The following PREX2 variants were observed in gnomAD, a reference collection of about 807,000 sequenced individuals.
PREX2 encodes phosphatidylinositol 3,4,5-trisphosphate-dependent Rac exchanger 2 protein.
A neutral mutation model predicts 203.2 loss-of-function variants in PREX2; 107 were observed. That is an observed-to-expected ratio of 0.53 (90% CI 0.45 to 0.62). The LOEUF is 0.62. Among genes scored for constraint, PREX2 ranks in the 20% least tolerant of loss-of-function variants. The pLI is 0.00. For missense variants in PREX2, 1,777 were observed against 1,955.9 expected, an observed-to-expected ratio of 0.91 and a Z score of 1.72; for synonymous variants, 672 against 663.6, an observed-to-expected ratio of 1.01 and a Z score of -0.19.
At chr8:68,036,479 A>T (rs1276285524) in intron 6 of PREX2, among the ~76,000 whole-genome samples, 2 of 152,176 alleles carry the variant, frequency 1.3e-5, no homozygotes, top group Non-Finnish European at 2.9e-5. Context: ...GGGTTGGCTT[A>T]TATGGGTCAT....
chr8:68,133,035 A>G (rs184357158), intron 31 of PREX2, among the ~76,000 whole-genome samples: 88 of 152,306 alleles, frequency 5.8e-4, no homozygotes, highest in African/African-American at 1.9e-3. Context: ...TATAAAGGAA[A>G]GAAGTTTAAT....
intron 34 of PREX2, among the ~76,000 whole-genome samples, chr8:68,155,702 A>G (rs1053759901): frequency 6.6e-6 from 1 of 152,206 alleles, no homozygotes; most frequent in African/African-American, 2.4e-5. Context: ...TACATTTCCA[A>G]CTTGGATCCA....
chr8:67,975,550 A>C (rs1806053116), intron 1 of PREX2, among the ~76,000 whole-genome samples: 1 of 151,936 alleles, frequency 6.6e-6, no homozygotes, highest in Admixed American at 6.6e-5. Flanking sequence ...ACAAAGAAGA[A>C]AACGAGAGCA....
chr8:67,969,079 G>T (rs1805853371), intron 1 of PREX2, among the ~76,000 whole-genome samples: 1 of 152,308 alleles, frequency 6.6e-6, no homozygotes, highest in South Asian at 2.1e-4. Context: ...GTTGTCGTGT[G>T]GCTGGGGTCA....
chr8:68,151,766 T>C (rs1811440190), intron 34 of PREX2, among the ~76,000 whole-genome samples: 2 of 150,834 alleles, frequency 1.3e-5, no homozygotes, highest in Non-Finnish European at 3.0e-5. Context: ...AGTATTCTCT[T>C]TTTTTTAACC....
chr8:68,148,182 A>C (rs896319720), intron 34 of PREX2, among the ~76,000 whole-genome samples: 2 of 152,038 alleles, frequency 1.3e-5, no homozygotes, highest in Non-Finnish European at 2.9e-5. Context: ...GGGAGGCAGA[A>C]GTTGCAGTGA....
At chr8:68,202,227 C>A (rs1463011695) in intron 37 of PREX2, among the ~76,000 whole-genome samples, 3 of 152,100 alleles carry the variant, frequency 2.0e-5, no homozygotes, top group Non-Finnish European at 4.4e-5. Flanking sequence ...AAAGCATAAC[C>A]AGCCCTCACC....
At chr8:67,969,259 C>A (rs1454809874) in intron 1 of PREX2, among the ~76,000 whole-genome samples, 1 of 152,120 alleles carries the variant, frequency 6.6e-6, no homozygotes, top group African/African-American at 2.4e-5. Flanking sequence ...CAAGGGTTAA[C>A]CCAGCTCAGT....
chr8:68,132,176 C>T (rs1377951784), intron 31 of PREX2, among the ~76,000 whole-genome samples: 2 of 152,096 alleles, frequency 1.3e-5, no homozygotes, highest in Non-Finnish European at 2.9e-5. Context: ...ATTTTTAGTG[C>T]CACTGACTCT....
chr8:68,225,549 G>A (rs1238020530), intron 39 of PREX2, among the ~76,000 whole-genome samples: 1 of 152,166 alleles, frequency 6.6e-6, no homozygotes, highest in Non-Finnish European at 1.5e-5. Context: ...TCTTCACAGA[G>A]CAGTTACCAG....
In PREX2 at chr8:68,126,908, G is replaced by A. The variant is rs372228266; in HGVS notation, c.3725-470G>A. 9.3e-5 allele frequency among the ~76,000 whole-genome samples: 14 copies of A among 150,232 alleles called. No homozygotes were observed. The East Asian group carries it at 1.2e-3, about 13-fold the overall frequency. On this transcript the variant is annotated intron_variant, in intron 30 of 39. Coordinates refer to ENST00000288368, the MANE Select transcript of PREX2 (RefSeq NM_024870.4). ...GTGTAATATATATATACATATATACGTGTGTGTGTATATATATATACACAC... is the reference window on the plus strand; with the variant it reads ...GTGTAATATATATATACATATATACATGTGTGTGTATATATATATACACAC...
intron 39 of PREX2, among the ~76,000 whole-genome samples, chr8:68,225,475 A>G (rs572559935): frequency 6.6e-6 from 1 of 152,334 alleles, no homozygotes; most frequent in African/African-American, 2.4e-5. Context: ...GATTGCTTTT[A>G]CACATTTGTA....
chr8:68,062,072 G>T (rs1034247437), intron 11 of PREX2, among the ~76,000 whole-genome samples: 2 of 152,064 alleles, frequency 1.3e-5, no homozygotes, highest in Admixed American at 1.3e-4. Context: ...ATCACACTGG[G>T]TGTTGCCTAC....
chr8:68,006,138 G>C (rs1807085464), intron 1 of PREX2, among the ~76,000 whole-genome samples: 1 of 152,170 alleles, frequency 6.6e-6, no homozygotes, highest in Non-Finnish European at 1.5e-5. Flanking sequence ...GGTCCCCTAA[G>C]CTCCTGTATG....
At chr8:68,224,095 T>C (rs1022026427) in intron 38 of PREX2, among the ~76,000 whole-genome samples, 6 of 152,168 alleles carry the variant, frequency 3.9e-5, no homozygotes, top group Non-Finnish European at 7.3e-5. Flanking sequence ...TATGGCTCAC[T>C]GCAGCCTCAA....
chr8:68,141,553 A>T (rs1049882785), intron 33 of PREX2, among the ~76,000 whole-genome samples: 6 of 152,210 alleles, frequency 3.9e-5, no homozygotes, highest in Admixed American at 6.5e-5. Flanking sequence ...ATGCATAAAG[A>T]AAAAAGGCGA....
At chr8:67,966,054 A>G (rs1805767281) in intron 1 of PREX2, among the ~76,000 whole-genome samples, 1 of 152,168 alleles carries the variant, frequency 6.6e-6, no homozygotes, top group South Asian at 2.1e-4. Flanking sequence ...GGTTTACTTC[A>G]TTATGAGGAA....
chr8:68,116,447 A>T (rs1412868467), intron 26 of PREX2, among the ~76,000 whole-genome samples: 1 of 152,128 alleles, frequency 6.6e-6, no homozygotes, highest in Non-Finnish European at 1.5e-5. Flanking sequence ...GGGCTGCTGT[A>T]ACAGATTACT....
At chr8:68,114,887 A>G (rs952911636) in intron 25 of PREX2, among the ~76,000 whole-genome samples, 10 of 152,184 alleles carry the variant, frequency 6.6e-5, no homozygotes, top group Non-Finnish European at 1.2e-4. Context: ...GATAGAGGGT[A>G]GGTGGGTTTT....
Sources: allele counts gnomAD v4.1 joint callset (sites outside exome capture counted in the v4.1 genomes callset), GRCh38; gene constraint gnomAD v4.1.1; transcripts MANE v1.5; gene names NCBI Gene and HGNC (gene_info 2026-07-23, HGNC 2026-07-21).